Variants in WRNIP1 observed in about 807,000 individuals in gnomAD.
WRNIP1 encodes ATPase WRNIP1.
Under a neutral mutation model 56.1 loss-of-function variants are expected in WRNIP1, and 41 were observed. That is an observed-to-expected ratio of 0.73 (90% CI 0.57 to 0.95). WRNIP1 has a LOEUF of 0.95. WRNIP1 is among the 40% of genes least tolerant of loss of function. The pLI is 0.00. For missense variants in WRNIP1, 1,170 were observed against 939.4 expected (o/e 1.25, Z -3.21); for synonymous variants, 547 against 398.1 (o/e 1.37, Z -4.45).
chr6:2,779,357 G>A lies in WRNIP1; in HGVS notation c.1351G>A (p.Val451Met), dbSNP rs371002200. 3.1e-6 allele frequency: 5 copies of A among 1,614,110 alleles called. No homozygotes were observed. The Admixed American group carries it at 6.7e-5, about 22-fold the overall frequency. The part of the protein sequence containing the change: ...RAGLNGLQLA[V>M]LARLSSRKMF... ...TGGGTTGAACGGACTGCAGCTGGCG[G>A]TGCTGGCTAGGTTAAGCTCTAGGAA... The change falls in exon 4 of 7, where the codon GTG (valine) becomes ATG (methionine). Residue 451 changes from valine to methionine, a missense_variant. By Grantham distance (21) the Val-to-Met change is conservative (BLOSUM62 1). Transcript: ENST00000380773.
At chr6:2,779,679 G>A (rs559935806) in intron 4 of WRNIP1, among the ~76,000 whole-genome samples, 187 bp downstream of exon 4, 5 of 152,348 alleles carry the variant, frequency 3.3e-5, no homozygotes, top group Admixed American at 6.5e-5. Flanking sequence ...TCCGAAGAGA[G>A]GCATGAAGCA....
chr6:2,769,774 T>C (rs780291907), intron 2 of WRNIP1, among the ~76,000 whole-genome samples: 14 of 152,214 alleles, frequency 9.2e-5, no homozygotes, highest in Admixed American at 1.3e-4. Context: ...AATAAATAGC[T>C]GTTACATATA....
rs761679945 is a variant in WRNIP1 at position 2,783,489 on chromosome 6, C to T, written c.1570C>T (p.Arg524Cys). The T allele has an allele frequency of 3.4e-5, 55 of 1,613,730 alleles. 1 individual carries two copies. Among genetic ancestry groups the T allele is most frequent in the East Asian group, 4.5e-5 (2 of 44,874 alleles). ...GAACGCCTCCCTCTACTGGCTGGCT[C>T]GCATGCTCGAGGGAGGAGAGGACCC... ...DQNASLYWLA[R>C]MLEGGEDPLY... Residue 524 changes from arginine to cysteine, a missense_variant, in exon 5 of 7, where the codon CGC becomes TGC. By Grantham distance (180) the Arg-to-Cys change is radical. Coordinates refer to ENST00000380773, the MANE Select transcript of WRNIP1 (RefSeq NM_020135.3).
intron 3 of WRNIP1, among the ~76,000 whole-genome samples, chr6:2,775,226 C>T (rs1401687482): frequency 6.7e-6 from 1 of 149,148 alleles, no homozygotes; most frequent in Non-Finnish European, 1.5e-5. Flanking sequence ...TCTGACTTTT[C>T]TCTCTTGGCA....
chr6:2,779,624 T>G, intron 4 of WRNIP1, 132 bp downstream of exon 4: 1 of 934,572 alleles, frequency 1.1e-6, no homozygotes, highest in Non-Finnish European at 1.6e-6. Context: ...GATTCTCAGG[T>G]GGATCTGCAT....
chr6:2,782,601 G>A lies in WRNIP1; in HGVS notation c.1487-805G>A, dbSNP rs115260602. Among the ~76,000 whole-genome samples, 1,227 of 152,364 alleles carry A rather than the reference G, an allele frequency of 8.1e-3. 12 individuals carry two copies. Among genetic ancestry groups the A allele is most frequent in the Middle Eastern group, 0.01 (3 of 294 alleles). ...TCCTCCGCTTTCTCGTGAGGAGGGTGCCCCCTCCTTGAACTTACCTAAGGG... is the reference window on the plus strand; with the variant it reads ...TCCTCCGCTTTCTCGTGAGGAGGGTACCCCCTCCTTGAACTTACCTAAGGG... On this transcript the variant is annotated intron_variant, in intron 4 of 6. Coordinates refer to ENST00000380773, the MANE Select transcript of WRNIP1 (RefSeq NM_020135.3).
Position 2,765,543 on chromosome 6 carries a change from C to T in WRNIP1, c.-80C>T, listed in dbSNP as rs941491902. The T allele has an allele frequency of 3.0e-6, 4 of 1,351,686 alleles. No homozygotes were observed. The highest frequency in any genetic ancestry group is 3.8e-6 in the Non-Finnish European group (4 of 1,059,838). 83.7% of individuals were successfully genotyped at this position (1,351,686 alleles called of 1,614,324 possible). On this transcript the variant is annotated 5_prime_UTR_variant, in exon 1 of 7. Coordinates refer to ENST00000380773, the MANE Select transcript of WRNIP1 (RefSeq NM_020135.3). ...GAGCGAGGGTCTCGCGGCGCGGGGC[C>T]TAGCGGAGGGCATCGAAGGCCTCCG...
In WRNIP1 at chr6:2,765,794, G is replaced by A. The variant is rs950237141; in HGVS notation, c.172G>A (p.Gly58Arg). 1 of 1,415,028 alleles carries A rather than the reference G, an allele frequency of 7.1e-7. No homozygotes were observed. The highest frequency in any genetic ancestry group is 9.2e-7 in the Non-Finnish European group (1 of 1,085,272). 87.7% of individuals were successfully genotyped at this position (1,415,028 alleles called of 1,614,324 possible). A position where few individuals can be genotyped will look rare whatever the true frequency, so the allele number is the denominator to read the frequency against. Residue 58 changes from glycine to arginine, a missense_variant, in exon 1 of 7, where the codon GGG becomes AGG. Physicochemically the swap from Gly to Arg is moderately radical, Grantham distance 125 (BLOSUM62 -2). Transcript: ENST00000380773. Reference sequence around the variant, plus strand: ...GCCCGCGGCCGGGTCGCACCGCGCCGGGGAGCGGGCCAAGGGGCCCTCGCC... The same window carrying A: ...GCCCGCGGCCGGGTCGCACCGCGCCAGGGAGCGGGCCAAGGGGCCCTCGCC... ...AEPAAGSHRA[G>R]ERAKGPSPPG...
intron 3 of WRNIP1, among the ~76,000 whole-genome samples, chr6:2,775,166 G>A (rs1765404755): frequency 6.6e-6 from 1 of 152,206 alleles, no homozygotes; most frequent in Non-Finnish European, 1.5e-5. Context: ...GCTACAAGGG[G>A]TGGAGGTGCC....
At position 2,765,428 on chromosome 6, in the gene WRNIP1, G is replaced by A. The variant is rs1764890707; in HGVS notation, c.-195G>A. On this transcript the variant is annotated 5_prime_UTR_variant, in exon 1 of 7. Transcript: ENST00000380773. The stretch of plus-strand genomic sequence containing the variant: ...ACACGCCGCGTGAGGCGCTGCCAGC[G>A]GCCGGCCGAGGGCGGGCGGACGCGG... The A allele has an allele frequency of 1.8e-6, 1 of 551,082 alleles. No homozygotes were observed. Among genetic ancestry groups the A allele is most frequent in the Admixed American group, 4.8e-5 (1 of 20,760 alleles). The allele number at this position is 551,082 out of a possible 1,614,324, so 34.1% of individuals were successfully genotyped here. A position where few individuals can be genotyped will look rare whatever the true frequency, so the allele number is the denominator to read the frequency against.
chr6:2,784,261 A>G, intron 5 of WRNIP1, 63 bp from the exon 6 acceptor site: 2 of 1,529,650 alleles, frequency 1.3e-6, no homozygotes, highest in South Asian at 2.3e-5. Context: ...GGTCGCCTGC[A>G]CATAGGCCAG....
At chr6:2,773,186 TA>T (rs1004394714) in intron 3 of WRNIP1, 17 of 984,532 alleles carry the variant, frequency 1.7e-5, no homozygotes, top group South Asian at 1.4e-4. Context: ...GTTCTTTTTT[TA>T]AAAAAAAATT....
At chr6:2,767,608 C>G (rs377361751) in intron 1 of WRNIP1, among the ~76,000 whole-genome samples, 3 of 152,228 alleles carry the variant, frequency 2.0e-5, no homozygotes, top group Admixed American at 6.5e-5. Flanking sequence ...CGTCTGTCCC[C>G]ATGGATTTAG....
chr6:2,772,173 C>T (rs1458850987), intron 3 of WRNIP1, among the ~76,000 whole-genome samples: 1 of 152,144 alleles, frequency 6.6e-6, no homozygotes. Context: ...TAAAAATCCT[C>T]AGGTGATTTG....
Position 2,766,029 on chromosome 6 carries a change from G to A in WRNIP1, c.407G>A (p.Arg136Lys), listed in dbSNP as rs1374045481. 7.6e-7 allele frequency: 1 copy of A among 1,317,716 alleles called. No homozygotes were observed. Among genetic ancestry groups the A allele is most frequent in the African/African-American group, 1.5e-5 (1 of 65,216 alleles). The allele number at this position is 1,317,716 out of a possible 1,614,324, so 81.6% of individuals were successfully genotyped here. ...GTGGCCCGCTCCAGCAGCCCCGGGA[G>A]GAAGGGGTCGGGGAAGAGGCCGGCG... ...FPVARSSSPG[R>K]KGSGKRPAAA... Residue 136 changes from arginine to lysine, a missense_variant, in exon 1 of 7, where the codon AGG becomes AAG. Transcript: ENST00000380773.
At position 2,765,997 on chromosome 6, in the gene WRNIP1, C is replaced by T. The variant is rs557211562; in HGVS notation, c.375C>T (p.Asp125=). The change falls in exon 1 of 7, where the codon GAC becomes GAT. Residue 125 remains aspartate, a synonymous_variant. Transcript: ENST00000380773. ...PTPSGARLIP[D]FPVARSSSPG... is the part of the protein sequence containing the mutation. ...CCAGCGGCGCCCGCCTTATCCCCGA[C>T]TTCCCGGTGGCCCGCTCCAGCAGCC... 523 of 1,379,702 alleles carry T rather than the reference C, an allele frequency of 3.8e-4. No individual in the cohort carries two copies. Among genetic ancestry groups the T allele is most frequent in the Non-Finnish European group, 4.6e-4 (486 of 1,064,732 alleles). The allele number at this position is 1,379,702 out of a possible 1,614,324, so 85.5% of individuals were successfully genotyped here.
At chr6:2,773,331 C>T (rs1460364293) in intron 3 of WRNIP1, 12 of 985,288 alleles carry the variant, frequency 1.2e-5, no homozygotes, top group Non-Finnish European at 1.4e-5. Context: ...AGGTCCACTT[C>T]CAGTGCCACG....
At chr6:2,770,418 CA>C (rs1459404355) in intron 3 of WRNIP1, 57 bp downstream of exon 3, 24 of 1,598,234 alleles carry the variant, frequency 1.5e-5, no homozygotes, top group Non-Finnish European at 2.0e-5. Context: ...AGTCTCCTGG[CA>C]GGGGGCCAGA....
At chr6:2,773,690 C>G in intron 3 of WRNIP1, 1 of 985,224 alleles carries the variant, frequency 1.0e-6, no homozygotes, top group Non-Finnish European at 1.2e-6. Context: ...GCTAGCATTT[C>G]GTCATCCTGC....
Sources: allele counts gnomAD v4.1 joint callset (sites outside exome capture counted in the v4.1 genomes callset), GRCh38; gene constraint gnomAD v4.1.1; transcripts MANE v1.5; gene names NCBI Gene and HGNC (gene_info 2026-07-23, HGNC 2026-07-21).